Variants in MERTK observed in about 807,000 individuals in gnomAD.
MERTK encodes tyrosine-protein kinase Mer.
In MERTK, 69 loss-of-function variants were observed where a neutral mutation model predicts 99.3. The ratio of observed to expected loss-of-function variants is 0.70; its 90% CI spans 0.57 to 0.85. The LOEUF is 0.85. Ranked by LOEUF, MERTK falls within the 40% of genes least tolerant of loss-of-function variation. The pLI is 0.00. For synonymous variants in MERTK, 426 were observed against 467.6 expected (o/e 0.91, Z 1.15); for missense variants, 1,125 against 1,249.4 (o/e 0.90, Z 1.50).
At chr2:111,958,114 A>T (rs1304001192) in intron 4 of MERTK, among the ~76,000 whole-genome samples, 1 of 152,204 alleles carries the variant, frequency 6.6e-6, no homozygotes. Context: ...TCTAAGAGGG[A>T]CGACCTACCC....
chr2:111,997,676 A>G (rs150342899), intron 10 of MERTK, among the ~76,000 whole-genome samples, 200 bp downstream of exon 10: 34 of 152,344 alleles, frequency 2.2e-4, no homozygotes, highest in Middle Eastern at 3.4e-3. Flanking sequence ...CAGGCCTGAA[A>G]AGGGTTCCTT....
chr2:112,024,028 G>T (rs1489252194), intron 18 of MERTK, among the ~76,000 whole-genome samples: 1 of 152,188 alleles, frequency 6.6e-6, no homozygotes, highest in Non-Finnish European at 1.5e-5. Flanking sequence ...CGTCCCGTTG[G>T]TAGTGGTTGG....
chr2:111,937,462 A>G (rs2104694993), intron 2 of MERTK, among the ~76,000 whole-genome samples: 1 of 152,126 alleles, frequency 6.6e-6, no homozygotes. Flanking sequence ...AAAACAAAAC[A>G]AAAGTGGGTA....
chr2:111,909,305 G>A (rs1477331901), intron 1 of MERTK, among the ~76,000 whole-genome samples: 1 of 152,148 alleles, frequency 6.6e-6, no homozygotes, highest in Non-Finnish European at 1.5e-5. Flanking sequence ...TCATACAAAG[G>A]CTGGAATGTA....
chr2:111,986,635 C>T lies in MERTK; in HGVS notation c.1296+3642C>T, dbSNP rs538826491. Among the ~76,000 whole-genome samples the T allele has an allele frequency of 1.6e-4, 24 of 152,262 alleles. No homozygotes were observed. The East Asian group carries it at 4.6e-3, about 29-fold the overall frequency. The stretch of plus-strand genomic sequence containing the variant: ...CTGGAGAGCCTTGTGCACTAAATGC[C>T]ATTAGCACTCAGCTAGGCTGTGCAT... On this transcript the variant is annotated intron_variant, in intron 8 of 18. Transcript: ENST00000295408.
At chr2:111,959,131 G>A (rs1685199878) in intron 4 of MERTK, among the ~76,000 whole-genome samples, 1 of 152,152 alleles carries the variant, frequency 6.6e-6, no homozygotes, top group Admixed American at 6.5e-5. Context: ...TCACTTGGGA[G>A]CTTAGGATCT....
At position 111,898,816 on chromosome 2, in the gene MERTK, G is replaced by A. The variant is rs200823351; in HGVS notation, c.61+20G>A. The A allele has an allele frequency of 1.9e-6, 3 of 1,574,950 alleles. No individual in the cohort carries two copies. The highest frequency in any genetic ancestry group is 2.7e-5 in the African/African-American group (2 of 74,176). ...GTAGAGGTGAGTGCGCCCGGCTGGG[G>A]GCCAGGCGAGGGGGTGGGGGCTCCC... On this transcript the variant is annotated intron_variant, in intron 1 of 18. Coordinates refer to ENST00000295408, the MANE Select transcript of MERTK (RefSeq NM_006343.3).
At chr2:111,939,337 A>C (rs1391587358) in intron 2 of MERTK, among the ~76,000 whole-genome samples, 3 of 152,118 alleles carry the variant, frequency 2.0e-5, no homozygotes, top group African/African-American at 7.2e-5. Context: ...TGAATGGATT[A>C]ATCCATTCAT....
intron 4 of MERTK, among the ~76,000 whole-genome samples, chr2:111,964,118 G>A (rs1685312226): frequency 7.1e-6 from 1 of 141,490 alleles, no homozygotes. Flanking sequence ...GGAGTGGGGA[G>A]TTATGCTCCA....
At chr2:111,980,228 T>A (rs1466227918) in intron 7 of MERTK, among the ~76,000 whole-genome samples, 1 of 152,112 alleles carries the variant, frequency 6.6e-6, no homozygotes, top group Non-Finnish European at 1.5e-5. Flanking sequence ...ATTTAGTATA[T>A]AAACTTTCAC....
chr2:111,970,156 C>CT lies in MERTK; in HGVS notation c.960+1917dup, dbSNP rs1010322833. On this transcript the variant is annotated intron_variant, in intron 6 of 18. Coordinates refer to ENST00000295408, the MANE Select transcript of MERTK (RefSeq NM_006343.3). Reference sequence around the variant, plus strand: ...ACACCTTTTTTTGAGATATAGTTTACTTTTTTTTTTTTTAATTTGAGACGT... The same window carrying CT: ...ACACCTTTTTTTGAGATATAGTTTACTTTTTTTTTTTTTTAATTTGAGACGT... Among the ~76,000 whole-genome samples, 1,070 of 141,582 alleles carry CT rather than the reference C, an allele frequency of 7.6e-3. 12 individuals are homozygous for CT. The highest frequency in any genetic ancestry group is 0.024 in the African/African-American group (948 of 38,884). 92.9% of individuals were successfully genotyped at this position (141,582 alleles called of 152,430 possible). A position where few individuals can be genotyped will look rare whatever the true frequency, so the allele number is the denominator to read the frequency against.
chr2:112,000,131 G>T (rs1261570226), intron 10 of MERTK, among the ~76,000 whole-genome samples: 3 of 152,192 alleles, frequency 2.0e-5, no homozygotes, highest in Non-Finnish European at 2.9e-5. Context: ...ATCAGGTAAG[G>T]CAGGAACTGG....
Position 111,965,140 on chromosome 2 carries a change from A to G in MERTK, c.758-51A>G, listed in dbSNP as rs1303746178. 2.7e-6 allele frequency: 4 copies of G among 1,486,582 alleles called. No homozygotes were observed. The Admixed American group carries it at 5.0e-5, about 19-fold the overall frequency. 92.1% of individuals were successfully genotyped at this position (1,486,582 alleles called of 1,614,324 possible). A position where few individuals can be genotyped will look rare whatever the true frequency, so the allele number is the denominator to read the frequency against. On this transcript the variant is annotated intron_variant, in intron 4 of 18. Transcript: ENST00000295408. ...AAAGACAACCATAGAATTGTAGTGA[A>G]CAGCAGCCTGTTTCTCTGCTGCTGG...
At chr2:112,003,039 T>G (rs77235468) in intron 11 of MERTK, 53 bp from the exon 12 acceptor site, 2 of 816,514 alleles carry the variant, frequency 2.4e-6, no homozygotes, top group Middle Eastern at 2.6e-4. Flanking sequence ...AATTATCAAG[T>G]GAAAGAAAAC....
chr2:111,925,293 T>TATATATATATATATATATATATA (rs1553446655), intron 1 of MERTK, among the ~76,000 whole-genome samples: 83 of 29,606 alleles, frequency 2.8e-3, no homozygotes, highest in South Asian at 8.2e-3. Context: ...TATATATATA[T>TATATATATATATATATATATATA]TTTTTTTTTT....
intron 8 of MERTK, among the ~76,000 whole-genome samples, chr2:111,985,915 C>T (rs1676470847): frequency 6.6e-6 from 1 of 152,098 alleles, no homozygotes; most frequent in Non-Finnish European, 1.5e-5. Flanking sequence ...ATAGATGCTG[C>T]ATATAGAGAT....
At chr2:112,016,400 A>C (rs1677216539) in intron 15 of MERTK, among the ~76,000 whole-genome samples, 1 of 152,238 alleles carries the variant, frequency 6.6e-6, no homozygotes, top group South Asian at 2.1e-4. Flanking sequence ...GATAAGGTGG[A>C]AGACACAAAG....
chr2:112,025,219 C>T (rs1235869867), intron 18 of MERTK, among the ~76,000 whole-genome samples: 1 of 152,094 alleles, frequency 6.6e-6, no homozygotes, highest in Non-Finnish European at 1.5e-5. Flanking sequence ...GGTTAGGGCC[C>T]ATCAACCCAC....
In MERTK at chr2:111,997,421, T is replaced by C. The variant is rs760623215; in HGVS notation, c.1549T>C (p.Leu517=). The change falls in exon 10 of 19, where the codon TTG becomes CTG. Residue 517 remains leucine (L), a synonymous_variant. Coordinates refer to ENST00000295408, the MANE Select transcript of MERTK (RefSeq NM_006343.3). ...GCFCGFILIG[L]ILYISLAIRK... is the part of the protein sequence containing the mutation. ...CTTTTGTGGATTTATTTTGATTGGGTTGATTTTATACATCTCCTTGGCCAT... is the reference window on the plus strand; with the variant it reads ...CTTTTGTGGATTTATTTTGATTGGGCTGATTTTATACATCTCCTTGGCCAT... 1 of 1,614,108 alleles carries C rather than the reference T, an allele frequency of 6.2e-7. No individual in the cohort carries two copies. Among genetic ancestry groups the C allele is most frequent in the Non-Finnish European group, 8.5e-7 (1 of 1,179,980 alleles).
Sources: allele counts gnomAD v4.1 joint callset (sites outside exome capture counted in the v4.1 genomes callset), GRCh38; gene constraint gnomAD v4.1.1; transcripts MANE v1.5; gene names NCBI Gene and HGNC (gene_info 2026-07-23, HGNC 2026-07-21).